KIAA0586: variants seen among roughly 807,000 people sequenced by gnomAD.
KIAA0586 encodes the protein protein TALPID3.
KIAA0586 carries 144 observed loss-of-function variants against 169.8 expected under a neutral mutation model. The ratio of observed to expected loss-of-function variants is 0.85; its 90% confidence interval spans 0.74 to 0.97. The LOEUF (loss-of-function observed/expected upper bound fraction) is 0.97, where lower values mean the gene tolerates loss of function less well. Ranked by LOEUF, KIAA0586 falls within the 50% of genes least tolerant of loss-of-function variation. The pLI is 0.00. For synonymous variants in KIAA0586, 625 were observed against 612.4 expected (o/e 1.02, Z -0.30); for missense variants, 1,854 against 1,823.0 (o/e 1.02, Z -0.31).
chr14:58,466,266 A>G (rs2040767764), intron 15 of KIAA0586, among the ~76,000 whole-genome samples: 1 of 152,144 alleles, frequency 6.6e-6, no homozygotes, highest in South Asian at 2.1e-4. Context: ...AAATGGTACT[A>G]ACATGATAGT....
rs766475917 is a variant in KIAA0586 at position 58,547,802 on chromosome 14, C to T, written c.4517C>T (p.Ser1506Phe). The change falls in exon 31 of 31, where the codon TCC becomes TTC. Residue 1506 changes from serine (S) to phenylalanine (F), a missense_variant. By Grantham distance (155) the Ser-to-Phe change is radical. Transcript: ENST00000652326. ...GCAGGTGGGAAAGCAGTGCCACTCT[C>T]CGCTTCACAGATGCCCCCTGCCAAG... ...VFSGGKAVPLSASQMPPAKMS... is the reference protein window; with the variant it reads ...VFSGGKAVPLFASQMPPAKMS... 6 of 1,612,968 alleles carry T rather than the reference C, an allele frequency of 3.7e-6. No homozygotes were observed. Among genetic ancestry groups the T allele is most frequent in the Non-Finnish European group, 5.1e-6 (6 of 1,179,336 alleles).
intron 29 of KIAA0586, among the ~76,000 whole-genome samples, chr14:58,527,458 A>G (rs1026371369): frequency 7.2e-5 from 11 of 152,202 alleles, no homozygotes; most frequent in Non-Finnish European, 1.6e-4. Flanking sequence ...CCAGAGAGAA[A>G]GGTTGGGTTA....
intron 16 of KIAA0586, among the ~76,000 whole-genome samples, chr14:58,470,096 GTT>G (rs1245685442): frequency 2.4e-5 from 3 of 125,970 alleles, no homozygotes; most frequent in African/African-American, 8.9e-5. Flanking sequence ...GTGTGTGTGT[GTT>G]TATGTGTGTG....
chr14:58,450,806 G>A (rs1055685242), intron 8 of KIAA0586, 60 bp downstream of exon 8: 3 of 1,047,462 alleles, frequency 2.9e-6, no homozygotes, highest in Non-Finnish European at 2.8e-6. Flanking sequence ...GATTTTCTGT[G>A]CCTAGTAGTA....
chr14:58,546,718 C>G (rs1439927789), intron 30 of KIAA0586, among the ~76,000 whole-genome samples: 1 of 152,128 alleles, frequency 6.6e-6, no homozygotes, highest in Non-Finnish European at 1.5e-5. Context: ...ACGTAGTCAA[C>G]TTTGAATTTT....
chr14:58,545,485 G>A (rs2046922333), intron 30 of KIAA0586, among the ~76,000 whole-genome samples: 1 of 152,170 alleles, frequency 6.6e-6, no homozygotes, highest in South Asian at 2.1e-4. Flanking sequence ...TATCACTGTT[G>A]TTTTTGGCAG....
At chr14:58,456,062 T>C (rs2039817490) in intron 9 of KIAA0586, among the ~76,000 whole-genome samples, 1 of 152,178 alleles carries the variant, frequency 6.6e-6, no homozygotes, top group African/African-American at 2.4e-5. Context: ...TGGGGATACT[T>C]TCTCGCTGAG....
Position 58,488,676 on chromosome 14 carries a change from C to T in KIAA0586, c.3583C>T (p.Pro1195Ser), listed in dbSNP as rs760762102. The change falls in exon 24 of 31, where the codon CCT (proline) becomes TCT (serine). Residue 1195 changes from proline (P) to serine (S), a missense_variant. By Grantham distance (74) the Pro-to-Ser change is moderately conservative (BLOSUM62 -1). Transcript: ENST00000652326. ...AGAGAGTATGGATTTCCCTGCTCAG[C>T]CTCCACCTCCAGAGCCAGTTCCCTT... ...EPESMDFPAQ[P>S]PPPEPVPFMP... The T allele has an allele frequency of 6.2e-7, 1 of 1,613,848 alleles. No individual in the cohort carries two copies. Among genetic ancestry groups the T allele is most frequent in the South Asian group, 1.1e-5 (1 of 91,074 alleles).
downstream of KIAA0586, among the ~76,000 whole-genome samples, chr14:58,552,969 TG>T (rs1217464753): frequency 2.6e-5 from 4 of 152,224 alleles, no homozygotes; most frequent in African/African-American, 9.6e-5. Context: ...ATATGTAAAT[TG>T]TAATATAAGA....
chr14:58,538,937 A>G (rs1027141552), intron 29 of KIAA0586, among the ~76,000 whole-genome samples: 1 of 151,686 alleles, frequency 6.6e-6, no homozygotes, highest in African/African-American at 2.4e-5. Context: ...GAGCCACCAC[A>G]CCTGGCTACT....
At chr14:58,433,889 C>T (rs1447531082) in intron 4 of KIAA0586, among the ~76,000 whole-genome samples, 1 of 151,818 alleles carries the variant, frequency 6.6e-6, no homozygotes. Flanking sequence ...GTCCCAGGTA[C>T]TTGGGAGGCT....
chr14:58,536,438 G>A (rs2046297009), intron 29 of KIAA0586, among the ~76,000 whole-genome samples: 1 of 152,058 alleles, frequency 6.6e-6, no homozygotes, highest in Non-Finnish European at 1.5e-5. Flanking sequence ...TTAGGTTAGT[G>A]GCCTATGAGC....
At chr14:58,525,925 G>T (rs1300100933) in intron 29 of KIAA0586, among the ~76,000 whole-genome samples, 1 of 152,220 alleles carries the variant, frequency 6.6e-6, no homozygotes. Context: ...TTTCCCCTCA[G>T]TGTAAACAAA....
intron 18 of KIAA0586, among the ~76,000 whole-genome samples, 176 bp downstream of exon 18, chr14:58,472,455 A>G (rs893118438): frequency 2.0e-5 from 3 of 152,044 alleles, no homozygotes; most frequent in Non-Finnish European, 4.4e-5. Flanking sequence ...TCTTTAATCT[A>G]TATCACCTAT....
chr14:58,488,568 A>G, intron 23 of KIAA0586, 53 bp from the exon 24 acceptor site: 1 of 1,580,342 alleles, frequency 6.3e-7, no homozygotes, highest in South Asian at 1.2e-5. Flanking sequence ...TATCAAAATG[A>G]ATACAGGCCT....
At chr14:58,509,010 C>G (rs2044201328) in intron 28 of KIAA0586, among the ~76,000 whole-genome samples, 1 of 152,116 alleles carries the variant, frequency 6.6e-6, no homozygotes, top group Non-Finnish European at 1.5e-5. Flanking sequence ...CAGTGGATCG[C>G]TTGAGTCCAG....
At chr14:58,472,327 T>TG in intron 18 of KIAA0586, 48 bp downstream of exon 18, 1 of 1,101,008 alleles carries the variant, frequency 9.1e-7, no homozygotes, top group Non-Finnish European at 1.3e-6. Flanking sequence ...ACCGGTATTT[T>TG]TCCAGGTTGT....
chr14:58,428,739 T>C (rs986306649), intron 1 of KIAA0586, among the ~76,000 whole-genome samples: 6 of 151,522 alleles, frequency 4.0e-5, no homozygotes, highest in Admixed American at 6.6e-5. Context: ...ACTTAACTTG[T>C]ATAATGTGCT....
intron 17 of KIAA0586, 48 bp downstream of exon 17, chr14:58,470,771 A>G (rs1000761550): frequency 8.1e-6 from 7 of 861,810 alleles, no homozygotes; most frequent in Non-Finnish European, 1.2e-5. Flanking sequence ...GTCTGACTGT[A>G]GATTTTAACT....
Sources: allele counts gnomAD v4.1 joint callset (sites outside exome capture counted in the v4.1 genomes callset), GRCh38; gene constraint gnomAD v4.1.1; transcripts MANE v1.5; gene names NCBI Gene and HGNC (gene_info 2026-07-23, HGNC 2026-07-21).